NLGN1: variants seen among roughly 807,000 people sequenced by gnomAD.
NLGN1 encodes the protein neuroligin-1.
A neutral mutation model predicts 65.5 loss-of-function variants in NLGN1; 12 were observed. The observed-to-expected ratio is 0.18, with a 90% CI of 0.12 to 0.30. The LOEUF (loss-of-function observed/expected upper bound fraction) is 0.30. NLGN1 is among the 10% of genes least tolerant of loss of function. NLGN1 has a pLI of 1.00. For missense variants in NLGN1, 750 were observed against 1,007.1 expected, an observed-to-expected ratio of 0.74 and a Z score of 3.46; for synonymous variants, 350 against 359.5, an observed-to-expected ratio of 0.97 and a Z score of 0.30.
At chr3:173,589,971 C>G (rs952262661) in intron 2 of NLGN1, among the ~76,000 whole-genome samples, 6 of 152,034 alleles carry the variant, frequency 3.9e-5, no homozygotes, top group African/African-American at 4.8e-5. Context: ...AACATGTAAT[C>G]AAGTAATATT....
At chr3:173,934,306 A>T (rs1270127127) in intron 4 of NLGN1, among the ~76,000 whole-genome samples, 1 of 149,246 alleles carries the variant, frequency 6.7e-6, no homozygotes, top group South Asian at 2.1e-4. Flanking sequence ...TACTAATATT[A>T]TTTAATAATA....
chr3:173,711,087 C>T (rs939747815), intron 3 of NLGN1, among the ~76,000 whole-genome samples: 9 of 152,070 alleles, frequency 5.9e-5, no homozygotes, highest in Non-Finnish European at 1.2e-4. Context: ...CATAATTGGT[C>T]ATATTCTAAA....
chr3:173,646,371 C>T (rs1758278617), intron 3 of NLGN1, among the ~76,000 whole-genome samples: 2 of 152,326 alleles, frequency 1.3e-5, no homozygotes, highest in East Asian at 3.9e-4. Context: ...CCATGCCTCA[C>T]GAATTAAGAG....
intron 2 of NLGN1, among the ~76,000 whole-genome samples, chr3:173,577,804 T>A: frequency 6.6e-6 from 1 of 152,216 alleles, no homozygotes; most frequent in Admixed American, 6.5e-5. Flanking sequence ...TTTTCTCAGT[T>A]TCTTGTAAGT....
chr3:173,591,247 A>T (rs991044890), intron 2 of NLGN1, among the ~76,000 whole-genome samples: 1 of 152,226 alleles, frequency 6.6e-6, no homozygotes, highest in African/African-American at 2.4e-5. Context: ...GTGTTACACA[A>T]ATGGCCCATG....
intron 4 of NLGN1, among the ~76,000 whole-genome samples, chr3:173,948,624 A>G (rs997913866): frequency 2.6e-5 from 4 of 152,234 alleles, no homozygotes; most frequent in African/African-American, 9.6e-5. Context: ...GACACATTCC[A>G]TAGACAGGGA....
intron 4 of NLGN1, among the ~76,000 whole-genome samples, chr3:173,894,097 T>C (rs952946002): frequency 6.6e-6 from 1 of 152,194 alleles, no homozygotes; most frequent in African/African-American, 2.4e-5. Context: ...TGCTTTCTCT[T>C]TTATACAACT....
intron 2 of NLGN1, among the ~76,000 whole-genome samples, chr3:173,517,585 T>C (rs1032456102): frequency 1.3e-5 from 2 of 152,116 alleles, no homozygotes; most frequent in African/African-American, 4.8e-5. Flanking sequence ...CACCCAGTCA[T>C]GCTTTTCCCC....
At chr3:173,782,238 A>G (rs73880580) in intron 3 of NLGN1, among the ~76,000 whole-genome samples, 5,027 of 152,246 alleles carry the variant, frequency 0.033, 285 homozygotes, top group African/African-American at 0.12. Flanking sequence ...AAAGTACATA[A>G]TACATACAAC....
intron 4 of NLGN1, among the ~76,000 whole-genome samples, chr3:174,033,551 T>G (rs1161467102): frequency 6.6e-6 from 1 of 151,986 alleles, no homozygotes; most frequent in African/African-American, 2.4e-5. Context: ...TGTTCGTTGC[T>G]CTAATGGAAA....
At chr3:174,015,401 T>C (rs1436627071) in intron 4 of NLGN1, among the ~76,000 whole-genome samples, 2 of 152,140 alleles carry the variant, frequency 1.3e-5, no homozygotes, top group Non-Finnish European at 1.5e-5. Flanking sequence ...GCCTTCTAGC[T>C]ATGTCCCCCT....
exon 1 of NLGN1, chr3:173,398,463 C>T (rs921492263): frequency 6.6e-6 from 1 of 152,176 alleles, no homozygotes; most frequent in Non-Finnish European, 1.5e-5. Flanking sequence ...TCCACCGACT[C>T]CTGCCCGCCT....
intron 4 of NLGN1, among the ~76,000 whole-genome samples, chr3:173,919,749 T>G (rs1201224781): frequency 6.6e-6 from 1 of 151,926 alleles, no homozygotes. Context: ...TTTTATCTTC[T>G]GTTGAACTAA....
intron 3 of NLGN1, among the ~76,000 whole-genome samples, chr3:173,775,240 TC>T (rs1263571091): frequency 6.6e-6 from 1 of 152,148 alleles, no homozygotes; most frequent in African/African-American, 2.4e-5. Flanking sequence ...TTAAATGCAA[TC>T]CGTTATTATA....
intron 2 of NLGN1, among the ~76,000 whole-genome samples, chr3:173,500,512 T>G (rs192279344): frequency 4.3e-4 from 65 of 152,274 alleles, no homozygotes; most frequent in African/African-American, 1.6e-3. Context: ...TCTAAAATTC[T>G]CTTTTTTTTG....
At chr3:173,807,925 A>C in intron 4 of NLGN1, 93 bp downstream of exon 4, 1 of 1,332,932 alleles carries the variant, frequency 7.5e-7, no homozygotes, top group Non-Finnish European at 1.1e-6. Context: ...GCTTTGTTTC[A>C]CCCATTTTTT....
intron 4 of NLGN1, among the ~76,000 whole-genome samples, chr3:174,039,180 A>G (rs779961621): frequency 1.3e-5 from 2 of 152,104 alleles, no homozygotes; most frequent in Non-Finnish European, 2.9e-5. Context: ...ATTCAGTCCC[A>G]TATACCAGTT....
chr3:173,766,956 G>A (rs563527191), intron 3 of NLGN1, among the ~76,000 whole-genome samples: 145 of 151,928 alleles, frequency 9.5e-4, no homozygotes, highest in Non-Finnish European at 1.5e-3. Flanking sequence ...GATTAAAACC[G>A]ATCTGCTGTA....
intron 2 of NLGN1, among the ~76,000 whole-genome samples, chr3:173,549,537 T>G (rs1289935403): frequency 1.3e-5 from 2 of 152,002 alleles, no homozygotes; most frequent in African/African-American, 4.8e-5. Context: ...TGGTCCATAT[T>G]CCTGTGTTAA....
Sources: gnomAD v4.1 joint callset for allele counts (sites outside exome capture counted in the v4.1 genomes callset) on GRCh38, gnomAD v4.1.1 for gene constraint, MANE v1.5 for transcripts, NCBI Gene and HGNC (gene_info 2026-07-23, HGNC 2026-07-21) for gene names.